The following B4GALNT3 variants were observed in gnomAD, a reference collection of about 807,000 sequenced individuals.
The protein encoded by B4GALNT3 is beta-1,4-N-acetylgalactosaminyltransferase 3.
A neutral mutation model predicts 120.2 loss-of-function variants in B4GALNT3; 86 were observed. That is an observed-to-expected ratio of 0.72 (90% CI 0.60 to 0.86). The LOEUF (loss-of-function observed/expected upper bound fraction) is 0.86, where lower values mean the gene tolerates loss of function less well. B4GALNT3 is among the 40% of genes least tolerant of loss of function. The pLI is 0.00. For synonymous variants in B4GALNT3, 518 were observed against 510.4 expected (o/e 1.01, Z -0.20); for missense variants, 1,167 against 1,298.9 (o/e 0.90, Z 1.56).
intron 17 of B4GALNT3, 113 bp downstream of exon 17, chr12:558,201 A>C: frequency 8.5e-7 from 1 of 1,171,370 alleles, no homozygotes; most frequent in Non-Finnish European, 1.2e-6. Context: ...GAATGAGGAC[A>C]CAGGAGGTCC....
chr12:499,190 C>T (rs1565594281), intron 1 of B4GALNT3, among the ~76,000 whole-genome samples: 2 of 152,234 alleles, frequency 1.3e-5, no homozygotes, highest in Admixed American at 1.3e-4. Flanking sequence ...AATTGCCTAC[C>T]TGGCTGTGGT....
intron 2 of B4GALNT3, 91 bp from the exon 3 acceptor site, chr12:536,127 G>A (rs1042112200): frequency 7.0e-5 from 72 of 1,034,330 alleles, no homozygotes; most frequent in Admixed American, 6.0e-4. Flanking sequence ...CCGAGCCGAC[G>A]CCTCCTGGGA....
At chr12:487,984 G>T (rs1336208174) in intron 1 of B4GALNT3, among the ~76,000 whole-genome samples, 1 of 152,002 alleles carries the variant, frequency 6.6e-6, no homozygotes. Flanking sequence ...CTTGTAAGTA[G>T]CCAGATAGGG....
rs1282092246 is a variant in B4GALNT3, at chr12:524,191, G to A, written c.170-10975G>A. 4.6e-5 allele frequency among the ~76,000 whole-genome samples: 7 copies of A among 152,282 alleles called. No homozygotes were observed. The South Asian group carries it at 1.0e-3, about 23-fold the overall frequency. ...TTCCATTAAAATGATGTTTCATGGG[G>A]AGCAGGAAAGCAGATCCCCATATTC... On this transcript the variant is annotated intron_variant, in intron 1 of 19. Coordinates refer to ENST00000266383, the MANE Select transcript of B4GALNT3 (RefSeq NM_173593.4).
intron 3 of B4GALNT3, among the ~76,000 whole-genome samples, chr12:538,240 AAC>A (rs1486341145): frequency 2.0e-5 from 3 of 152,168 alleles, no homozygotes; most frequent in Non-Finnish European, 4.4e-5. Flanking sequence ...ATGAAACAAA[AAC>A]AGTGAACAAA....
rs116716626 is a variant in B4GALNT3 at position 561,355 on chromosome 12, G to A, written c.2901G>A (p.Ala967=). ...DWELLDRILQ[A]GLDVERLSLR... ...TCTCCTCCTCCAGGATACTCCAAGC[G>A]GGCCTGGACGTGGAGCGTCTCTCCC... Residue 967 remains alanine (A), a synonymous_variant, in exon 20 of 20, where the codon GCG becomes GCA. Coordinates refer to ENST00000266383, the MANE Select transcript of B4GALNT3 (RefSeq NM_173593.4). 2,776 of 1,613,192 alleles carry A rather than the reference G, an allele frequency of 1.7e-3. 44 individuals carry two copies. The African/African-American group carries it at 0.028, about 16-fold the overall frequency.
intron 7 of B4GALNT3, among the ~76,000 whole-genome samples, chr12:547,688 A>G (rs1435922196): frequency 6.6e-6 from 1 of 152,084 alleles, no homozygotes; most frequent in Non-Finnish European, 1.5e-5. Flanking sequence ...GTTCTCCTCT[A>G]CGAACAAGGA....
chr12:472,896 A>G (rs1403157244), intron 1 of B4GALNT3, among the ~76,000 whole-genome samples: 2 of 152,074 alleles, frequency 1.3e-5, no homozygotes, highest in African/African-American at 4.8e-5. Context: ...GCCAACATAA[A>G]TTGTTTAAAG....
In B4GALNT3 at chr12:480,896, C is replaced by G. The variant is rs544599349; in HGVS notation, c.169+20351C>G. Among the ~76,000 whole-genome samples, 229 of 152,334 alleles carry G rather than the reference C, an allele frequency of 1.5e-3. 1 individual carries two copies. The highest frequency in any genetic ancestry group is 5.2e-3 in the African/African-American group (216 of 41,578). On this transcript the variant is annotated intron_variant, in intron 1 of 19. Transcript: ENST00000266383. ...TCTTTGTCACAGCCTCCTCCTCTGC[C>G]CTTGCAGGCCAAGGACTGGACCAGT...
At chr12:474,365 C>T (rs998583479) in intron 1 of B4GALNT3, among the ~76,000 whole-genome samples, 7 of 152,160 alleles carry the variant, frequency 4.6e-5, no homozygotes, top group South Asian at 2.1e-4. Flanking sequence ...TTTTTCCGCA[C>T]GTCCATTAGT....
intron 1 of B4GALNT3, among the ~76,000 whole-genome samples, chr12:520,301 G>A (rs1205239164): frequency 2.6e-5 from 4 of 152,186 alleles, no homozygotes; most frequent in Admixed American, 6.5e-5. Flanking sequence ...TTTAGCAAAT[G>A]TGTGAGGCTG....
chr12:537,378 A>G (rs1469930306), intron 3 of B4GALNT3, among the ~76,000 whole-genome samples: 1 of 152,116 alleles, frequency 6.6e-6, no homozygotes, highest in Non-Finnish European at 1.5e-5. Context: ...TTAACTTCTG[A>G]GTAGCTAGGA....
intron 1 of B4GALNT3, among the ~76,000 whole-genome samples, chr12:512,185 C>T (rs1407515679): frequency 6.0e-5 from 6 of 100,444 alleles, no homozygotes; most frequent in Non-Finnish European, 5.9e-5. Context: ...TTCCGCCTTC[C>T]ACCTTCCGCC....
chr12:460,678 C>A lies in B4GALNT3; in HGVS notation c.169+133C>A. 2 of 958,922 alleles carry A rather than the reference C, an allele frequency of 2.1e-6. No individual in the cohort carries two copies. The highest frequency in any genetic ancestry group is 8.4e-5 in the South Asian group (2 of 23,916). 59.4% of individuals were successfully genotyped at this position (958,922 alleles called of 1,614,324 possible). A position where few individuals can be genotyped will look rare whatever the true frequency, so the allele number is the denominator to read the frequency against. On this transcript the variant is annotated intron_variant, in intron 1 of 19. Transcript: ENST00000266383. The surrounding 1 kb of genome is among the most constrained non-coding windows in gnomAD (Gnocchi z 8.0). ...CATTTCTCCCTCAGGTGCCCGGCGT[C>A]GCCCCGCGCGTACTCGGGGAGAGCT... is the stretch of plus-strand genomic sequence containing the variant.
At chr12:506,059 G>C (rs949777073) in intron 1 of B4GALNT3, among the ~76,000 whole-genome samples, 1 of 152,052 alleles carries the variant, frequency 6.6e-6, no homozygotes, top group Non-Finnish European at 1.5e-5. Flanking sequence ...TACAGCACAG[G>C]TACAGTATGC....
chr12:500,284 C>T (rs1196101902), intron 1 of B4GALNT3, among the ~76,000 whole-genome samples: 1 of 152,160 alleles, frequency 6.6e-6, no homozygotes, highest in African/African-American at 2.4e-5. Flanking sequence ...GTTGAGATTA[C>T]AGGCATGAGC....
At chr12:561,130 A>G (rs1008851648) in intron 19 of B4GALNT3, among the ~76,000 whole-genome samples, 2 of 152,232 alleles carry the variant, frequency 1.3e-5, no homozygotes, top group African/African-American at 4.8e-5. Context: ...CCTCCTAGAG[A>G]TGAGCAGACA....
intron 1 of B4GALNT3, among the ~76,000 whole-genome samples, chr12:507,687 G>A (rs908730556): frequency 1.3e-5 from 2 of 152,230 alleles, no homozygotes; most frequent in African/African-American, 2.4e-5. Flanking sequence ...CAAAAGGGTA[G>A]GGCTTATTCT....
intron 3 of B4GALNT3, among the ~76,000 whole-genome samples, chr12:543,963 A>G (rs1309088826): frequency 4.0e-3 from 145 of 35,854 alleles, no homozygotes; most frequent in Admixed American, 5.8e-3. Context: ...CGGGTGTGGG[A>G]TGCTCATCCT....
Sources: gnomAD v4.1 joint callset for allele counts (sites outside exome capture counted in the v4.1 genomes callset) on GRCh38, gnomAD v4.1.1 for gene constraint, Gnocchi (gnomAD v3.1) non-coding constraint, MANE v1.5 for transcripts, NCBI Gene and HGNC (gene_info 2026-07-23, HGNC 2026-07-21) for gene names.